Variants in SLC9A8 observed in about 807,000 individuals in gnomAD.
The protein encoded by SLC9A8 is solute carrier family 9 member A8, also known as sodium/hydrogen exchanger 8.
A neutral mutation model predicts 66.6 loss-of-function variants in SLC9A8; 48 were observed. The ratio of observed to expected loss-of-function variants is 0.72; its 90% CI spans 0.57 to 0.92. The LOEUF (loss-of-function observed/expected upper bound fraction) is 0.92, where lower values mean the gene tolerates loss of function less well. Among genes scored for constraint, SLC9A8 ranks in the 40% least tolerant of loss-of-function variants. The probability of loss-of-function intolerance (pLI) is 0.00; values close to 1 mark genes in which losing one functional copy is unlikely to be tolerated. For missense variants in SLC9A8, 599 were observed against 747.3 expected (o/e 0.80, Z 2.31); for synonymous variants, 274 against 282.6 (o/e 0.97, Z 0.31).
intron 10 of SLC9A8, among the ~76,000 whole-genome samples, chr20:49,874,122 G>A (rs1282858505): frequency 1.3e-5 from 2 of 151,974 alleles, no homozygotes; most frequent in Non-Finnish European, 2.9e-5. Context: ...ATGGTGATGC[G>A]TGCCTGTAGT....
In SLC9A8 at chr20:49,815,014, C is replaced by T. The variant is rs1420624284; in HGVS notation, c.33C>T (p.Phe11=). 1.3e-6 allele frequency: 2 copies of T among 1,570,204 alleles called. No individual in the cohort carries two copies. Among genetic ancestry groups the T allele is most frequent in the Non-Finnish European group, 1.7e-6 (2 of 1,155,208 alleles). ...TGCTTTCTATGTCCTCCAGGAGGTT[C>T]CCCAATACAACTCATGAGGGTTTCA... MGEKMAEEER[F]PNTTHEGFNV... The change falls in exon 2 of 16, where the codon TTC becomes TTT. Residue 11 remains phenylalanine, a synonymous_variant. Transcript: ENST00000361573.
chr20:49,864,432 G>A (rs887278184), intron 9 of SLC9A8, among the ~76,000 whole-genome samples: 6 of 152,252 alleles, frequency 3.9e-5, no homozygotes, highest in African/African-American at 7.2e-5. Context: ...GCCATGGCCC[G>A]GCACATCCCC....
At chr20:49,866,344 A>G (rs1425151872) in intron 10 of SLC9A8, among the ~76,000 whole-genome samples, 1 of 152,218 alleles carries the variant, frequency 6.6e-6, no homozygotes, top group Admixed American at 6.5e-5. Flanking sequence ...GGCTAAGAAC[A>G]GTGTGCATGT....
chr20:49,834,175 CTCTCTCTCTCTATA>C (rs1432927090), intron 3 of SLC9A8, among the ~76,000 whole-genome samples: 583 of 57,894 alleles, frequency 0.01, 1 homozygote, highest in Non-Finnish European at 0.013. Context: ...CTCTCTCTCT[CTCTCTCTCTCTATA>C]TATATATATA....
chr20:49,875,738 T>C (rs1001991775), intron 11 of SLC9A8, among the ~76,000 whole-genome samples: 1 of 151,404 alleles, frequency 6.6e-6, no homozygotes, highest in African/African-American at 2.4e-5. Context: ...GAGGGACTTG[T>C]CTCTTTTTTT....
intron 5 of SLC9A8, among the ~76,000 whole-genome samples, chr20:49,845,586 C>G (rs1321031363): frequency 6.6e-6 from 1 of 152,176 alleles, no homozygotes; most frequent in Non-Finnish European, 1.5e-5. Context: ...TCGGTGCCCT[C>G]CCCTGGCCTC....
At chr20:49,880,240 C>T (rs926509) in intron 12 of SLC9A8, among the ~76,000 whole-genome samples, 20,081 of 139,258 alleles carry the variant, frequency 0.14, 2,331 homozygotes, top group African/African-American at 0.34. Context: ...CTCCAGCATG[C>T]GAGACAGAGT....
intron 14 of SLC9A8, chr20:49,884,289 G>GACACACACGACACACACACAC (rs1555848424): frequency 8.5e-4 from 33 of 38,754 alleles, no homozygotes; most frequent in African/African-American, 3.8e-3. Flanking sequence ...ACACACACAC[G>GACACACACGACACACACACAC]ACACACACAC....
At chr20:49,880,612 T>C (rs938474020) in intron 12 of SLC9A8, among the ~76,000 whole-genome samples, 7 of 152,238 alleles carry the variant, frequency 4.6e-5, no homozygotes, top group Non-Finnish European at 1.0e-4. Flanking sequence ...TACAGCCTCT[T>C]GGCATTCAGT....
intron 10 of SLC9A8, among the ~76,000 whole-genome samples, chr20:49,869,041 T>C (rs1242309810): frequency 6.6e-6 from 1 of 152,216 alleles, no homozygotes. Context: ...AGGGCCACTT[T>C]GGCCTCTGAC....
chr20:49,883,028 C>CA (rs913840729), intron 13 of SLC9A8, among the ~76,000 whole-genome samples: 4 of 143,116 alleles, frequency 2.8e-5, no homozygotes, highest in African/African-American at 1.0e-4. Context: ...CCCCTCCCCC[C>CA]ACCATCTCTT....
chr20:49,853,256 G>A (rs1046585592), intron 7 of SLC9A8, among the ~76,000 whole-genome samples: 1 of 152,042 alleles, frequency 6.6e-6, no homozygotes, highest in Non-Finnish European at 1.5e-5. Flanking sequence ...CTGTCCTCCT[G>A]CCTCAGCCTC....
chr20:49,886,681 G>C lies in SLC9A8; in HGVS notation c.1492-71G>C. ...GGGACACTGGCGGCCTGGGTGGTGTGGGGGCTTCCAGGAGGTGCCCCCCGA... is the reference window on the plus strand; with the variant it reads ...GGGACACTGGCGGCCTGGGTGGTGTCGGGGCTTCCAGGAGGTGCCCCCCGA... On this transcript the variant is annotated intron_variant, in intron 14 of 15. Transcript: ENST00000361573. This position sits in a 1 kb window ranked among gnomAD's most constrained non-coding sequence, Gnocchi z 4.8. The C allele has an allele frequency of 2.6e-6, 4 of 1,560,972 alleles. No individual in the cohort carries two copies. The highest frequency in any genetic ancestry group is 3.5e-6 in the Non-Finnish European group (4 of 1,147,640).
At chr20:49,850,778 G>A in intron 6 of SLC9A8, 32 bp from the exon 7 acceptor site, 5 of 1,602,794 alleles carry the variant, frequency 3.1e-6, no homozygotes, top group Non-Finnish European at 4.3e-6. Flanking sequence ...TTTTTTGTGT[G>A]TGTCTGTGTG....
intron 8 of SLC9A8, 105 bp from the exon 9 acceptor site, chr20:49,862,821 TGAA>T (rs562332794): frequency 0.082 from 840 of 10,218 alleles, 8 homozygotes; most frequent in African/African-American, 0.46. Context: ...AATGATGGTA[TGAA>T]TGAATGAATG....
intron 8 of SLC9A8, among the ~76,000 whole-genome samples, chr20:49,858,068 T>G (rs925323143): frequency 1.3e-5 from 2 of 152,220 alleles, no homozygotes; most frequent in African/African-American, 2.4e-5. Flanking sequence ...GGTGTAAATA[T>G]ATATACATTT....
At chr20:49,855,141 G>A (rs527628644) in intron 7 of SLC9A8, among the ~76,000 whole-genome samples, 7 of 152,146 alleles carry the variant, frequency 4.6e-5, no homozygotes, top group Admixed American at 1.3e-4. Context: ...GGAACTGGGC[G>A]GTGTATGATA....
chr20:49,869,999 C>G (rs917321596), intron 10 of SLC9A8, among the ~76,000 whole-genome samples: 16 of 152,142 alleles, frequency 1.1e-4, no homozygotes, highest in Admixed American at 7.9e-4. Flanking sequence ...TGGAAAAGAT[C>G]AAATTCCAGT....
chr20:49,855,581 A>T lies in SLC9A8; in HGVS notation c.713A>T (p.Asn238Ile). Reference protein sequence around the residue: ...LNDAVSIVLTNTAEGLTRKNM... With the variant: ...LNDAVSIVLTITAEGLTRKNM... ...GATGCAGTCTCCATTGTTCTGACCA[A>T]GTAAGTACGGGGGCAGAGAACAGAC... Residue 238 changes from asparagine (N) to isoleucine (I), a missense_variant and splice_region_variant, in exon 8 of 16, where the codon AAC becomes ATC. This residue lies in a region of SLC9A8 where 467 missense variants were observed against 626.5 expected (regional missense o/e 0.75). Transcript: ENST00000361573. The T allele has an allele frequency of 6.2e-7, 1 of 1,613,892 alleles. No homozygotes were observed. The highest frequency in any genetic ancestry group is 8.5e-7 in the Non-Finnish European group (1 of 1,179,890).
Sources: gnomAD v4.1 joint callset for allele counts (sites outside exome capture counted in the v4.1 genomes callset) on GRCh38, gnomAD v4.1.1 for gene constraint, gnomAD v4.1.1 regional missense constraint, Gnocchi (gnomAD v3.1) non-coding constraint, MANE v1.5 for transcripts, NCBI Gene and HGNC (gene_info 2026-07-23, HGNC 2026-07-21) for gene names.